The following PRMT8 variants were observed in gnomAD, a reference collection of about 807,000 sequenced individuals.
The protein encoded by PRMT8 is protein arginine methyltransferase 8, also known as protein arginine N-methyltransferase 8.
A neutral mutation model predicts 47.1 loss-of-function variants in PRMT8; 7 were observed. The observed-to-expected ratio is 0.15, with a 90% CI of 0.08 to 0.28. The LOEUF is 0.28. Ranked by LOEUF, PRMT8 falls within the 10% of genes least tolerant of loss-of-function variation. The pLI is 1.00. For synonymous variants in PRMT8, 188 were observed against 186.5 expected, an observed-to-expected ratio of 1.01 and a Z score of -0.07; for missense variants, 237 against 505.4, an observed-to-expected ratio of 0.47 and a Z score of 5.09.
chr12:3,495,188 T>C (rs938219322), intron 1 of PRMT8, among the ~76,000 whole-genome samples: 14 of 152,158 alleles, frequency 9.2e-5, no homozygotes, highest in Non-Finnish European at 1.5e-4. Flanking sequence ...GAACTGTTTG[T>C]CCTCTTCTCT....
rs1476493679 is a variant in PRMT8 at position 3,550,756 on chromosome 12, T to C, written c.417+665T>C. Reference sequence around the variant, plus strand: ...CCAGGCTAGATGTGGAGGCTGACCCTCTGGGAAGCCTCCTACCTATCCCCT... The same window carrying C: ...CCAGGCTAGATGTGGAGGCTGACCCCCTGGGAAGCCTCCTACCTATCCCCT... On this transcript the variant is annotated intron_variant, in intron 3 of 9. Coordinates refer to ENST00000382622, the MANE Select transcript of PRMT8 (RefSeq NM_019854.5). This position sits in a 1 kb window ranked among gnomAD's most constrained non-coding sequence, Gnocchi z 5.1. 1 of 152,186 alleles carries C rather than the reference T, an allele frequency of 6.6e-6. No individual in the cohort carries two copies. Among genetic ancestry groups the C allele is most frequent in the Non-Finnish European group, 1.5e-5 (1 of 68,044 alleles). The allele number at this position is 152,186 out of a possible 1,614,324, so 9.4% of individuals were successfully genotyped here.
chr12:3,478,476 T>C (rs924299560), intron 1 of PRMT8, among the ~76,000 whole-genome samples: 9 of 152,148 alleles, frequency 5.9e-5, no homozygotes, highest in African/African-American at 1.9e-4. Flanking sequence ...GCTTCCTTGA[T>C]AGTAAGGGTG....
Position 3,491,428 on chromosome 12 carries a change from T to C in PRMT8, c.-198T>C. ...ACCGTGTGAAGGAATCCGGAGCAGA[T>C]GAGAAGGGAGGAAAATAAAAGAAAG... On this transcript the variant is annotated 5_prime_UTR_variant, in exon 1 of 10. The change abolishes an upstream ATG in the 5' untranslated region. Transcript: ENST00000382622. 1 of 1,365,244 alleles carries C rather than the reference T, an allele frequency of 7.3e-7. No individual in the cohort carries two copies. Among genetic ancestry groups the C allele is most frequent in the Non-Finnish European group, 9.4e-7 (1 of 1,059,074 alleles). The allele number at this position is 1,365,244 out of a possible 1,614,324, so 84.6% of individuals were successfully genotyped here.
At chr12:3,404,716 T>C (rs1045804878) in intron 1 of PRMT8, among the ~76,000 whole-genome samples, 1 of 152,220 alleles carries the variant, frequency 6.6e-6, no homozygotes, top group Non-Finnish European at 1.5e-5. Context: ...ATTGGGTCCA[T>C]TATCAGTGAT....
chr12:3,513,510 G>A (rs993824864), intron 1 of PRMT8, among the ~76,000 whole-genome samples: 9 of 152,250 alleles, frequency 5.9e-5, no homozygotes, highest in East Asian at 3.9e-4. Flanking sequence ...CAGAGGCTGG[G>A]GCCCATGATT....
chr12:3,458,693 T>C (rs1865003019), intron 1 of PRMT8, among the ~76,000 whole-genome samples: 3 of 152,332 alleles, frequency 2.0e-5, no homozygotes, highest in Middle Eastern at 3.4e-3. Flanking sequence ...AATCAGACCC[T>C]CCTCTTCTTT....
chr12:3,405,794 T>G (rs1366739298), intron 1 of PRMT8, among the ~76,000 whole-genome samples: 1 of 152,176 alleles, frequency 6.6e-6, no homozygotes, highest in Non-Finnish European at 1.5e-5. Context: ...CTTTGCAGGG[T>G]ATAGCTGCTT....
Position 3,587,695 on chromosome 12 carries a change from T to A in PRMT8, c.979+4487T>A, listed in dbSNP as rs534338873. 1.2e-4 allele frequency among the ~76,000 whole-genome samples: 18 copies of A among 152,334 alleles called. No individual in the cohort carries two copies. In the South Asian group the frequency reaches 3.5e-3, roughly 30 times the overall value. On this transcript the variant is annotated intron_variant, in intron 8 of 9. Transcript: ENST00000382622. ...GGATGTGTGTGCCTAAACAAGGTATTGTTTGGTCTCAGCTGTTTTTGAACT... is the reference window on the plus strand; with the variant it reads ...GGATGTGTGTGCCTAAACAAGGTATAGTTTGGTCTCAGCTGTTTTTGAACT...
At chr12:3,592,873 T>C (rs188412155) in intron 9 of PRMT8, among the ~76,000 whole-genome samples, 11 of 152,308 alleles carry the variant, frequency 7.2e-5, no homozygotes, top group Admixed American at 6.5e-4. Context: ...CGTTTTGTTA[T>C]TAGAGCAGGA....
intron 1 of PRMT8, among the ~76,000 whole-genome samples, chr12:3,498,405 G>T (rs886978537): frequency 1.2e-4 from 19 of 152,218 alleles, no homozygotes; most frequent in African/African-American, 4.3e-4. Flanking sequence ...GAATTTGGAA[G>T]AAGCCTAGGA....
intron 8 of PRMT8, among the ~76,000 whole-genome samples, chr12:3,585,997 C>T (rs2137232612): frequency 6.6e-6 from 1 of 152,264 alleles, no homozygotes. Context: ...ATGTCTAACC[C>T]AGAGCCTGCC....
At chr12:3,473,873 C>T (rs147326109) in intron 1 of PRMT8, among the ~76,000 whole-genome samples, 8 of 152,266 alleles carry the variant, frequency 5.3e-5, no homozygotes, top group Admixed American at 6.5e-5. Context: ...TCCTTCAGGC[C>T]GACACCCCAT....
At chr12:3,574,312 C>T (rs1200426844) in intron 6 of PRMT8, among the ~76,000 whole-genome samples, 1 of 152,176 alleles carries the variant, frequency 6.6e-6, no homozygotes, top group Non-Finnish European at 1.5e-5. Context: ...GATCATGTAC[C>T]CCAAAGGTTT....
At chr12:3,554,803 C>T (rs1866496487) in intron 4 of PRMT8, among the ~76,000 whole-genome samples, 1 of 152,148 alleles carries the variant, frequency 6.6e-6, no homozygotes, top group African/African-American at 2.4e-5. Flanking sequence ...CTCAGCCTCC[C>T]CTCTCTGTGC....
At chr12:3,553,152 GAAAGATCTTA>G (rs1348689831) in intron 3 of PRMT8, 1 of 205,956 alleles carries the variant, frequency 4.9e-6, no homozygotes, top group Non-Finnish European at 9.9e-6. Context: ...GAGGGGAAGA[GAAAGATCTTA>G]AACCAGCCCT....
Position 3,436,516 on chromosome 12 carries a change from C to T in PRMT8, c.48+55074C>T, listed in dbSNP as rs146082173. ...TTTTTTTATGAGCTGCTATTGTCAG[C>T]GTGCAGAAGATCTCTATTAATAGAG... On this transcript the variant is annotated intron_variant, in intron 1 of 9. Transcript: ENST00000452611. The surrounding 1 kb of genome is among the most constrained non-coding windows in gnomAD (Gnocchi z 4.2). Among the ~76,000 whole-genome samples the T allele has an allele frequency of 7.9e-5, 12 of 152,090 alleles. No homozygotes were observed. Among genetic ancestry groups the T allele is most frequent in the Non-Finnish European group, 1.5e-4 (10 of 68,004 alleles).
chr12:3,485,800 C>A (rs768724409), intron 1 of PRMT8, among the ~76,000 whole-genome samples: 7 of 152,066 alleles, frequency 4.6e-5, no homozygotes, highest in Admixed American at 1.3e-4. Flanking sequence ...GAGAAGAGTA[C>A]ACAGTAAAAT....
At chr12:3,394,948 A>G (rs1315913466) in intron 1 of PRMT8, among the ~76,000 whole-genome samples, 3 of 151,908 alleles carry the variant, frequency 2.0e-5, no homozygotes, top group Non-Finnish European at 4.4e-5. Flanking sequence ...GGGAGAGTGT[A>G]TGTGTCGAGG....
chr12:3,391,344 C>G (rs1211177930), intron 1 of PRMT8, among the ~76,000 whole-genome samples: 4 of 152,110 alleles, frequency 2.6e-5, no homozygotes, highest in Admixed American at 6.5e-5. Context: ...GGTGGGTGGC[C>G]ACTAAAGCCC....
Sources: gnomAD v4.1 joint callset for allele counts (sites outside exome capture counted in the v4.1 genomes callset) on GRCh38, gnomAD v4.1.1 for gene constraint, Gnocchi (gnomAD v3.1) non-coding constraint, MANE v1.5 for transcripts, NCBI Gene and HGNC (gene_info 2026-07-23, HGNC 2026-07-21) for gene names.